The following PCDHA11 variants were observed in gnomAD, a reference collection of about 807,000 sequenced individuals.
PCDHA11 encodes the protein protocadherin alpha-11.
In PCDHA11, 61 loss-of-function variants were observed where a neutral mutation model predicts 70.3. The ratio of observed to expected loss-of-function variants is 0.87; its 90% CI spans 0.71 to 1.07. The LOEUF (loss-of-function observed/expected upper bound fraction) is 1.07, where lower values mean the gene tolerates loss of function less well. Ranked by LOEUF, PCDHA11 falls within the 50% of genes least tolerant of loss-of-function variation. PCDHA11 has a pLI of 0.00. For synonymous variants in PCDHA11, 633 were observed against 555.1 expected (o/e 1.14, Z -1.97); for missense variants, 1,324 against 1,237.5 (o/e 1.07, Z -1.05).
At chr5:140,928,397 C>T in intron 1 of PCDHA11, 1 of 1,614,082 alleles carries the variant, frequency 6.2e-7, no homozygotes, top group East Asian at 2.2e-5. Context: ...GCAGTGGAAT[C>T]ATCCAGTGGG....
intron 1 of PCDHA11, chr5:140,875,494 G>A (rs1178647780): frequency 6.2e-7 from 1 of 1,613,020 alleles, no homozygotes; most frequent in Non-Finnish European, 8.5e-7. Context: ...CGGACCAAGA[G>A]GCCCGGGATC....
chr5:140,891,241 G>A (rs2153433469), intron 1 of PCDHA11, among the ~76,000 whole-genome samples: 1 of 152,200 alleles, frequency 6.6e-6, no homozygotes, highest in Middle Eastern at 3.4e-3. Flanking sequence ...TCTGGATTCA[G>A]TAGGATTTTT....
intron 1 of PCDHA11, among the ~76,000 whole-genome samples, chr5:140,941,286 C>CTCTT (rs5871754): frequency 5.6e-5 from 6 of 106,818 alleles, no homozygotes; most frequent in African/African-American, 1.4e-4. Context: ...TCCTTCCTTT[C>CTCTT]TCTTTCTTTC....
chr5:140,887,357 A>T (rs112910602), intron 1 of PCDHA11, among the ~76,000 whole-genome samples: 12,309 of 152,126 alleles, frequency 0.081, 539 homozygotes, highest in Middle Eastern at 0.13. Context: ...CGGCCTCCCA[A>T]AGTGCTGGGA....
chr5:140,896,721 T>C (rs774174943), intron 1 of PCDHA11, among the ~76,000 whole-genome samples: 1 of 152,176 alleles, frequency 6.6e-6, no homozygotes, highest in Non-Finnish European at 1.5e-5. Flanking sequence ...TGCTTGTTAA[T>C]TTGTTTAAGT....
Position 140,872,661 on chromosome 5 carries a change from T to G in PCDHA11, c.2391+1167T>G, listed in dbSNP as rs544432969. Among the ~76,000 whole-genome samples the G allele has an allele frequency of 2.0e-5, 3 of 152,284 alleles. No individual in the cohort carries two copies. In the East Asian group the frequency reaches 5.8e-4, roughly 29 times the overall value. ...ATGAAAAGGCAAGAGATTTGTCAAC[T>G]ATTGGATACTCAAACAAAATGGCAT... On this transcript the variant is annotated intron_variant, in intron 1 of 3. Transcript: ENST00000398640.
chr5:140,883,946 G>C lies in PCDHA11; in HGVS notation c.2391+12452G>C, dbSNP rs139225969. ...GCAGGTGTTCGTGCTGGACGAGAACGACAACGCTCCGGCGCTGCTGACGCC... is the reference window on the plus strand; with the variant it reads ...GCAGGTGTTCGTGCTGGACGAGAACCACAACGCTCCGGCGCTGCTGACGCC... On this transcript the variant is annotated intron_variant, in intron 1 of 3. Coordinates refer to ENST00000398640, the MANE Select transcript of PCDHA11 (RefSeq NM_018902.5). The C allele has an allele frequency of 4.8e-5, 77 of 1,613,392 alleles. No individual in the cohort carries two copies. In the African/African-American group the frequency reaches 8.8e-4, roughly 18 times the overall value.
chr5:140,889,893 C>A (rs1275511475), intron 1 of PCDHA11, among the ~76,000 whole-genome samples: 2 of 152,158 alleles, frequency 1.3e-5, no homozygotes, highest in Admixed American at 1.3e-4. Flanking sequence ...AGAATTCTGA[C>A]TACCTTGAGA....
intron 1 of PCDHA11, among the ~76,000 whole-genome samples, chr5:140,896,577 G>A (rs1273423445): frequency 4.7e-5 from 7 of 149,554 alleles, no homozygotes; most frequent in African/African-American, 1.7e-4. Context: ...GGGTTTTGAC[G>A]TGTTGGCCAG....
At chr5:140,894,506 A>G (rs533835142) in intron 1 of PCDHA11, among the ~76,000 whole-genome samples, 2 of 151,922 alleles carry the variant, frequency 1.3e-5, no homozygotes, top group Non-Finnish European at 2.9e-5. Flanking sequence ...GGCATTATCC[A>G]TAGTGTTTAT....
At chr5:140,974,040 T>C (rs1554235767) in intron 1 of PCDHA11, among the ~76,000 whole-genome samples, 2 of 152,260 alleles carry the variant, frequency 1.3e-5, no homozygotes, top group African/African-American at 4.8e-5. Context: ...TTTAGCTTAT[T>C]AATATGATAA....
At chr5:140,903,695 A>G (rs1325722558) in intron 1 of PCDHA11, among the ~76,000 whole-genome samples, 9 of 152,238 alleles carry the variant, frequency 5.9e-5, no homozygotes, top group African/African-American at 1.7e-4. Flanking sequence ...AATAGTTTAA[A>G]ATAGTAATAA....
intron 1 of PCDHA11, among the ~76,000 whole-genome samples, chr5:140,963,165 A>G (rs775997183): frequency 2.6e-5 from 4 of 152,110 alleles, no homozygotes; most frequent in Non-Finnish European, 5.9e-5. Flanking sequence ...GACACATGCC[A>G]TCTTACAGAT....
At chr5:140,938,715 C>T (rs138044331) in intron 1 of PCDHA11, among the ~76,000 whole-genome samples, 10 of 152,038 alleles carry the variant, frequency 6.6e-5, no homozygotes, top group African/African-American at 2.4e-4. Flanking sequence ...ATGATAGAAA[C>T]GCGTTTCTAC....
intron 1 of PCDHA11, chr5:140,877,301 A>T (rs2057007244): frequency 6.2e-7 from 1 of 1,613,758 alleles, no homozygotes; most frequent in African/African-American, 1.3e-5. Flanking sequence ...CTGTCCTACG[A>T]GTTGCAACCG....
At chr5:140,960,267 C>T (rs1182915204) in intron 1 of PCDHA11, among the ~76,000 whole-genome samples, 3 of 152,266 alleles carry the variant, frequency 2.0e-5, no homozygotes, top group South Asian at 2.1e-4. Flanking sequence ...CTGATAAATT[C>T]CGTCACCTTT....
intron 3 of PCDHA11, 32 bp downstream of exon 3, chr5:140,982,595 G>A (rs1554244629): frequency 6.2e-7 from 1 of 1,609,520 alleles, no homozygotes; most frequent in Non-Finnish European, 8.5e-7. Flanking sequence ...ATTCTTTCTT[G>A]GTTTCTGGAA....
intron 1 of PCDHA11, among the ~76,000 whole-genome samples, chr5:140,962,126 C>T (rs1429316991): frequency 6.6e-6 from 1 of 152,094 alleles, no homozygotes; most frequent in African/African-American, 2.4e-5. Flanking sequence ...ACCTTGGCCT[C>T]GGCCTCCCAA....
At chr5:140,883,573 G>C in intron 1 of PCDHA11, 7 of 1,614,076 alleles carry the variant, frequency 4.3e-6, no homozygotes, top group Non-Finnish European at 5.9e-6. Flanking sequence ...CGCCTTCGCT[G>C]TGGGCCACGG....
Sources: gnomAD v4.1 joint callset for allele counts (sites outside exome capture counted in the v4.1 genomes callset) on GRCh38, gnomAD v4.1.1 for gene constraint, MANE v1.5 for transcripts, NCBI Gene and HGNC (gene_info 2026-07-23, HGNC 2026-07-21) for gene names.